VANGL2: variants seen among roughly 807,000 people sequenced by gnomAD.
VANGL2 encodes VANGL planar cell polarity protein 2, also known as vang-like protein 2.
Under a neutral mutation model 50.2 loss-of-function variants are expected in VANGL2, and 14 were observed. The observed-to-expected ratio is 0.28, with a 90% CI of 0.18 to 0.44. The LOEUF is 0.44. Ranked by LOEUF, VANGL2 falls within the 20% of genes least tolerant of loss-of-function variation. The pLI is 1.00. For missense variants in VANGL2, 533 were observed against 701.5 expected (o/e 0.76, Z 2.71); for synonymous variants, 295 against 297.2 (o/e 0.99, Z 0.08).
At chr1:160,415,492 G>T (rs1330354659) in intron 1 of VANGL2, among the ~76,000 whole-genome samples, 156 bp from the exon 2 acceptor site, 1 of 152,172 alleles carries the variant, frequency 6.6e-6, no homozygotes, top group African/African-American at 2.4e-5. Flanking sequence ...AGGAGGAACT[G>T]GGCCCAGTGG....
At position 160,421,209 on chromosome 1, in the gene VANGL2, G is replaced by GGAGAGGA. The variant is rs58121338; in HGVS notation, c.1073+24_1073+30dup. 4,589 of 1,612,198 alleles carry GGAGAGGA rather than the reference G, an allele frequency of 2.8e-3. 110 individuals carry two copies. The African/African-American group carries it at 0.053, about 19-fold the overall frequency. On this transcript the variant is annotated intron_variant, in intron 6 of 7. Coordinates refer to ENST00000368061, the MANE Select transcript of VANGL2 (RefSeq NM_020335.3). ...CCAGGTGGGTCCCTGGGGGAGAAGA[G>GGAGAGGA]GAGAGGAGGTGCTTGTTGGGTGAAT...
At chr1:160,406,629 C>T (rs1650669918) in intron 1 of VANGL2, among the ~76,000 whole-genome samples, 1 of 152,120 alleles carries the variant, frequency 6.6e-6, no homozygotes, top group African/African-American at 2.4e-5. Flanking sequence ...CTCACAGCCC[C>T]TAACAATGTC....
chr1:160,404,235 T>A (rs1368539455), intron 1 of VANGL2, among the ~76,000 whole-genome samples: 2 of 152,124 alleles, frequency 1.3e-5, no homozygotes, highest in Non-Finnish European at 2.9e-5. Flanking sequence ...GCAAATAAGA[T>A]GTTTTCCCAG....
At position 160,419,663 on chromosome 1, in the gene VANGL2, G is replaced by A; in HGVS notation, c.800+54G>A. ...GGAGGGAAAGGGCATGGGAGGATGT[G>A]GAGTGACTGCTAGGGTGGGAGGGTA... On this transcript the variant is annotated intron_variant, in intron 4 of 7. Transcript: ENST00000368061. This position sits in a 1 kb window ranked among gnomAD's most constrained non-coding sequence, Gnocchi z 5.8. The A allele has an allele frequency of 2.5e-6, 4 of 1,586,806 alleles. No homozygotes were observed. In the South Asian group the frequency reaches 4.5e-5, roughly 18 times the overall value.
rs756206825 is a variant in VANGL2 at position 160,419,024 on chromosome 1, C to T, written c.215C>T (p.Thr72Met). The T allele has an allele frequency of 6.2e-6, 10 of 1,607,776 alleles. No individual in the cohort carries two copies. The highest frequency in any genetic ancestry group is 3.3e-5 in the Admixed American group (2 of 59,782). The change falls in exon 4 of 8, where the codon ACG (threonine) becomes ATG (methionine). Residue 72 changes from threonine (T) to methionine (M), a missense_variant. Thr to Met is a moderately conservative substitution (Grantham distance 81). Coordinates refer to ENST00000368061, the MANE Select transcript of VANGL2 (RefSeq NM_020335.3). This position sits in a 1 kb window ranked among gnomAD's most constrained non-coding sequence, Gnocchi z 5.8. Reference protein sequence around the residue: ...DERDDNWGETTTVVTGTSEHS... With the variant: ...DERDDNWGETMTVVTGTSEHS... ...TAGGATGACAACTGGGGGGAAACGACGACAGTAGTAACGGGCACCTCAGAG... is the reference window on the plus strand; with the variant it reads ...TAGGATGACAACTGGGGGGAAACGATGACAGTAGTAACGGGCACCTCAGAG...
At chr1:160,424,385 C>A in intron 7 of VANGL2, 102 bp downstream of exon 7, 1 of 1,100,004 alleles carries the variant, frequency 9.1e-7, no homozygotes, top group East Asian at 2.6e-5. Context: ...CACTGTCCAC[C>A]TCATTTCTCT....
intron 1 of VANGL2, among the ~76,000 whole-genome samples, chr1:160,406,736 GTT>G (rs113737311): frequency 1.4e-5 from 2 of 144,424 alleles, no homozygotes; most frequent in Non-Finnish European, 3.1e-5. Context: ...GGGGGTTCTG[GTT>G]TTTTTTTTTT....
rs1651495878 is a variant in VANGL2, at chr1:160,427,458, T to A, written c.*2080T>A. 6.6e-6 allele frequency: 1 copy of A among 152,292 alleles called. No individual in the cohort carries two copies. Among genetic ancestry groups the A allele is most frequent in the Non-Finnish European group, 1.5e-5 (1 of 67,972 alleles). 9.4% of individuals were successfully genotyped at this position (152,292 alleles called of 1,614,324 possible). A position where few individuals can be genotyped will look rare whatever the true frequency, so the allele number is the denominator to read the frequency against. The stretch of plus-strand genomic sequence containing the variant: ...TTTCATTCCCCTTTCCTAAAAAAAA[T>A]TTTTTGCCTCCAACTCTCTAAGCAC... On this transcript the variant is annotated 3_prime_UTR_variant, in exon 8 of 8. Coordinates refer to ENST00000368061, the MANE Select transcript of VANGL2 (RefSeq NM_020335.3).
In VANGL2 at chr1:160,426,402, T is replaced by C. The variant is rs1393096426; in HGVS notation, c.*1024T>C. On this transcript the variant is annotated 3_prime_UTR_variant, in exon 8 of 8. Transcript: ENST00000368061. ...TCCAGAGACCTGTTGCCTCATCTCTTTTGGGGAAGAGCCGGCAGCTCCTCC... is the reference window on the plus strand; with the variant it reads ...TCCAGAGACCTGTTGCCTCATCTCTCTTGGGGAAGAGCCGGCAGCTCCTCC... The C allele has an allele frequency of 6.5e-6, 1 of 152,738 alleles. No individual in the cohort carries two copies. The highest frequency in any genetic ancestry group is 1.5e-5 in the Non-Finnish European group (1 of 68,126). The allele number at this position is 152,738 out of a possible 1,614,324, so 9.5% of individuals were successfully genotyped here.
chr1:160,418,652 G>C (rs1005079155), intron 3 of VANGL2, among the ~76,000 whole-genome samples: 1 of 152,066 alleles, frequency 6.6e-6, no homozygotes, highest in African/African-American at 2.4e-5. Context: ...TTTGCCCTTG[G>C]ATCCCAGTCA....
At chr1:160,418,178 C>T (rs1348241252) in intron 3 of VANGL2, among the ~76,000 whole-genome samples, 1 of 152,180 alleles carries the variant, frequency 6.6e-6, no homozygotes, top group Non-Finnish European at 1.5e-5. Context: ...ACCTCGGCCT[C>T]CCAAAGTGCT....
At chr1:160,421,920 G>A (rs1267072278) in intron 6 of VANGL2, among the ~76,000 whole-genome samples, 1 of 152,150 alleles carries the variant, frequency 6.6e-6, no homozygotes, top group Non-Finnish European at 1.5e-5. Context: ...ACGTTTTATT[G>A]CCTATATTTT....
chr1:160,417,650 C>T (rs183259649), intron 3 of VANGL2, among the ~76,000 whole-genome samples: 2 of 152,228 alleles, frequency 1.3e-5, no homozygotes, highest in Non-Finnish European at 2.9e-5. Flanking sequence ...ATCAGGTTTA[C>T]TCCTTCAGTG....
chr1:160,420,961 G>A (rs1651252127), intron 5 of VANGL2, 91 bp from the exon 6 acceptor site: 22 of 1,572,202 alleles, frequency 1.4e-5, no homozygotes, highest in Non-Finnish European at 1.6e-5. Context: ...GCTTCTTCTG[G>A]ACATGTCAGG....
intron 1 of VANGL2, among the ~76,000 whole-genome samples, chr1:160,411,612 T>C (rs1650882345): frequency 1.3e-5 from 2 of 152,054 alleles, no homozygotes; most frequent in African/African-American, 4.8e-5. Context: ...TTTTGGCACC[T>C]GTGTTTGGTA....
chr1:160,410,675 T>TACACACACACACAC (rs111892045), intron 1 of VANGL2, among the ~76,000 whole-genome samples: 5 of 143,364 alleles, frequency 3.5e-5, no homozygotes, highest in African/African-American at 1.3e-4. Flanking sequence ...ACCCCCCTTA[T>TACACACACACACAC]ACACACACAC....
rs865857611 is a variant in VANGL2 at position 160,401,371 on chromosome 1, G to A, written c.-191+502G>A. 3.9e-5 allele frequency among the ~76,000 whole-genome samples: 6 copies of A among 152,180 alleles called. No individual in the cohort carries two copies. The Middle Eastern group carries it at 0.02, about 518-fold the overall frequency. ...TAGAGTGGAGTCAGGGGGGCGGGTT[G>A]GGCAGAGTAGATAGGGTGTATGTAC... On this transcript the variant is annotated intron_variant, in intron 1 of 7. Coordinates refer to ENST00000368061, the MANE Select transcript of VANGL2 (RefSeq NM_020335.3).
At chr1:160,420,659 C>A in intron 5 of VANGL2, 112 bp downstream of exon 5, 7 of 1,500,706 alleles carry the variant, frequency 4.7e-6, no homozygotes, top group Non-Finnish European at 5.5e-6. Flanking sequence ...AGCCCATGTT[C>A]TAGCCGCTTC....
At chr1:160,421,540 C>A (rs1244987507) in intron 6 of VANGL2, among the ~76,000 whole-genome samples, 3 of 152,290 alleles carry the variant, frequency 2.0e-5, no homozygotes, top group East Asian at 3.9e-4. Context: ...AGGCAGTTTA[C>A]ATGATGGTAG....
Sources: gnomAD v4.1 joint callset for allele counts (sites outside exome capture counted in the v4.1 genomes callset) on GRCh38, gnomAD v4.1.1 for gene constraint, Gnocchi (gnomAD v3.1) non-coding constraint, MANE v1.5 for transcripts, NCBI Gene and HGNC (gene_info 2026-07-23, HGNC 2026-07-21) for gene names.